The following BID variants were observed in gnomAD, a reference collection of about 807,000 sequenced individuals.
The protein encoded by BID is BH3-interacting domain death agonist.
Under a neutral mutation model 17.4 loss-of-function variants are expected in BID, and 19 were observed. That is an observed-to-expected ratio of 1.09 (90% CI 0.76 to 1.60). The LOEUF (loss-of-function observed/expected upper bound fraction) is 1.60. Among genes scored for constraint, BID ranks in the 40% most tolerant of loss-of-function variants. The pLI is 0.00. For synonymous variants in BID, 108 were observed against 102.8 expected (o/e 1.05, Z -0.31); for missense variants, 226 against 256.0 (o/e 0.88, Z 0.80).
intron 1 of BID, among the ~76,000 whole-genome samples, chr22:17,757,655 G>T (rs1298061995): frequency 6.7e-6 from 1 of 148,440 alleles, no homozygotes; most frequent in Non-Finnish European, 1.5e-5. Context: ...CTTGCAGTGA[G>T]CCAAGATAGC....
intron 3 of BID, chr22:17,740,242 C>T: frequency 7.0e-7 from 1 of 1,434,310 alleles, no homozygotes; most frequent in African/African-American, 1.4e-5. Flanking sequence ...TGACAAATAC[C>T]CAGCACTTAA....
chr22:17,746,186 C>T (rs1203085073), intron 2 of BID, among the ~76,000 whole-genome samples: 3 of 145,772 alleles, frequency 2.1e-5, no homozygotes, highest in Non-Finnish European at 4.5e-5. Context: ...CCCATGGACA[C>T]GAAGATGGAG....
Position 17,750,164 on chromosome 22 carries a change from C to G in BID, c.-48G>C. 1 of 1,612,788 alleles carries G rather than the reference C, an allele frequency of 6.2e-7. No homozygotes were observed. Among genetic ancestry groups the G allele is most frequent in the Non-Finnish European group, 8.5e-7 (1 of 1,179,734 alleles). On this transcript the variant is annotated 5_prime_UTR_variant, in exon 2 of 6. Coordinates refer to ENST00000622694, the MANE Select transcript of BID (RefSeq NM_001196.4). ...CGACTCACTCCTGGTTCACAGTGTC[C>G]CAGTGGCGACCTGGAAAGGGACACA... is the stretch of plus-strand genomic sequence containing the variant.
chr22:17,757,729 AAAAG>A (rs1198280537), intron 1 of BID, among the ~76,000 whole-genome samples: 1 of 152,044 alleles, frequency 6.6e-6, no homozygotes, highest in African/African-American at 2.4e-5. Flanking sequence ...AAAAAAGAAA[AAAAG>A]AAAGCAATTC....
chr22:17,736,809 ATT>A (rs537354233), intron 5 of BID, among the ~76,000 whole-genome samples: 1 of 142,392 alleles, frequency 7.0e-6, no homozygotes. Flanking sequence ...TGCTCAGCTA[ATT>A]TTTTTTTTTT....
At chr22:17,772,099 G>T (rs2061725454) in intron 1 of BID, among the ~76,000 whole-genome samples, 1 of 152,184 alleles carries the variant, frequency 6.6e-6, no homozygotes, top group Non-Finnish European at 1.5e-5. Context: ...CTGGAGAATG[G>T]GGATGCTACC....
rs1214973040 is a variant in BID, at chr22:17,735,514, C to T, written c.*66G>A. The T allele has an allele frequency of 5.0e-6, 8 of 1,603,654 alleles. No individual in the cohort carries two copies. In the African/African-American group the frequency reaches 9.4e-5, roughly 19 times the overall value. On this transcript the variant is annotated 3_prime_UTR_variant, in exon 6 of 6. Transcript: ENST00000622694. The stretch of plus-strand genomic sequence containing the variant: ...TTGACATGCCAGGGCTCCGTCTACA[C>T]TGGAAGCAGCTATACAGCTGTGACC...
chr22:17,770,269 C>T (rs1176992603), intron 1 of BID, among the ~76,000 whole-genome samples: 1 of 152,142 alleles, frequency 6.6e-6, no homozygotes, highest in Non-Finnish European at 1.5e-5. Flanking sequence ...GTGGACAGGT[C>T]ATGTCGGGCT....
intron 1 of BID, 76 bp from the exon 2 acceptor site, chr22:17,750,250 TG>T: frequency 7.9e-7 from 1 of 1,269,674 alleles, no homozygotes; most frequent in Non-Finnish European, 1.1e-6. Context: ...ACGACGAAGC[TG>T]GCCTGTGCTC....
intron 5 of BID, among the ~76,000 whole-genome samples, chr22:17,737,481 G>A (rs1440853845): frequency 4.6e-5 from 7 of 152,014 alleles, no homozygotes; most frequent in African/African-American, 1.5e-4. Flanking sequence ...TGAGTAGCTG[G>A]GACTACAGGT....
At chr22:17,758,823 G>A (rs965853876) in intron 1 of BID, among the ~76,000 whole-genome samples, 1 of 152,192 alleles carries the variant, frequency 6.6e-6, no homozygotes, top group Non-Finnish European at 1.5e-5. Context: ...GGTGGTAATG[G>A]TTGCACGACA....
In BID at chr22:17,773,734, C is replaced by T. The variant is rs2061738356; in HGVS notation, c.-59+647G>A. 34 of 1,588,974 alleles carry T rather than the reference C, an allele frequency of 2.1e-5. No individual in the cohort carries two copies. The highest frequency in any genetic ancestry group is 2.9e-5 in the Non-Finnish European group (34 of 1,170,170). On this transcript the variant is annotated intron_variant, in intron 1 of 5. Coordinates refer to ENST00000622694, the MANE Select transcript of BID (RefSeq NM_001196.4). The surrounding 1 kb of genome is among the most constrained non-coding windows in gnomAD (Gnocchi z 4.4). Reference sequence around the variant, plus strand: ...GAATGAACCCTTGCCAGCCCAGCCACTTGGTGGCTGAGGGCTTCAGAGCTC... The same window carrying T: ...GAATGAACCCTTGCCAGCCCAGCCATTTGGTGGCTGAGGGCTTCAGAGCTC...
chr22:17,753,168 G>T (rs913729582), intron 1 of BID, among the ~76,000 whole-genome samples: 1 of 150,898 alleles, frequency 6.6e-6, no homozygotes, highest in Non-Finnish European at 1.5e-5. Flanking sequence ...GGGTTTCACC[G>T]TGTTAGCCAG....
intron 5 of BID, 143 bp from the exon 6 acceptor site, chr22:17,735,734 T>G: frequency 1.0e-6 from 1 of 986,766 alleles, no homozygotes; most frequent in Admixed American, 2.2e-5. Context: ...CCGTGCATCC[T>G]ACTTTTTGCT....
intron 1 of BID, among the ~76,000 whole-genome samples, chr22:17,756,523 T>TTTCC (rs1218801946): frequency 6.3e-5 from 9 of 142,736 alleles, no homozygotes; most frequent in Non-Finnish European, 9.6e-5. Context: ...TGTCTCTCTC[T>TTTCC]TTCTTTCCTT....
chr22:17,743,718 G>A, intron 3 of BID, 85 bp downstream of exon 3: 1 of 1,391,192 alleles, frequency 7.2e-7, no homozygotes, highest in East Asian at 2.5e-5. Context: ...GATCCCGGGG[G>A]TCCCTTCCAG....
chr22:17,767,246 TAAAG>T (rs527362170), intron 1 of BID, among the ~76,000 whole-genome samples: 1,510 of 150,776 alleles, frequency 0.01, 11 homozygotes, highest in Non-Finnish European at 0.017. Flanking sequence ...TTATAATAAA[TAAAG>T]AAATAAATTA....
chr22:17,739,355 C>T lies in BID; in HGVS notation c.357G>A (p.Ser119=), dbSNP rs1225129144. 7.5e-6 allele frequency: 12 copies of T among 1,592,440 alleles called. No homozygotes were observed. Among genetic ancestry groups the T allele is most frequent in the Admixed American group, 3.4e-5 (2 of 58,780 alleles). Residue 119 remains serine (S), a synonymous_variant, in exon 4 of 6, where the codon TCG becomes TCA. Coordinates refer to ENST00000622694, the MANE Select transcript of BID (RefSeq NM_001196.4). ...LALQLRNTSR[S]EEDRNRDLAT... ...TCCTCAGGCCCTCACTCACCTCCTC[C>T]GACCGGCTGGTGTTCCTGAGCTGCA...
Position 17,773,521 on chromosome 22 carries a change from G to A in BID, c.-59+860C>T. 7.5e-7 allele frequency: 1 copy of A among 1,341,780 alleles called. No homozygotes were observed. Among genetic ancestry groups the A allele is most frequent in the Admixed American group, 1.7e-5 (1 of 57,402 alleles). 83.1% of individuals were successfully genotyped at this position (1,341,780 alleles called of 1,614,324 possible). A position where few individuals can be genotyped will look rare whatever the true frequency, so the allele number is the denominator to read the frequency against. On this transcript the variant is annotated intron_variant, in intron 1 of 5. Coordinates refer to ENST00000622694, the MANE Select transcript of BID (RefSeq NM_001196.4). The surrounding 1 kb of genome is among the most constrained non-coding windows in gnomAD (Gnocchi z 4.4). ...GCCTGAGAAGGTGGAAGAGCTCTGG[G>A]TGGGTCCATCTGCTCCTCACCTGCC... is the stretch of plus-strand genomic sequence containing the variant.
Sources: gnomAD v4.1 joint callset for allele counts (sites outside exome capture counted in the v4.1 genomes callset) on GRCh38, gnomAD v4.1.1 for gene constraint, Gnocchi (gnomAD v3.1) non-coding constraint, MANE v1.5 for transcripts, NCBI Gene and HGNC (gene_info 2026-07-23, HGNC 2026-07-21) for gene names.